Variants in HMG20A observed in about 807,000 individuals in gnomAD.
HMG20A encodes high mobility group 20A, also known as high mobility group protein 20A.
In HMG20A, 17 loss-of-function variants were observed where a neutral mutation model predicts 43.9. The observed-to-expected ratio is 0.39, with a 90% CI of 0.27 to 0.58. The LOEUF (loss-of-function observed/expected upper bound fraction) is 0.58, where lower values mean the gene tolerates loss of function less well. Ranked by LOEUF, HMG20A falls within the 20% of genes least tolerant of loss-of-function variation. The probability of loss-of-function intolerance (pLI) is 0.59; values close to 1 mark genes in which losing one functional copy is unlikely to be tolerated. For missense variants in HMG20A, 341 were observed against 438.2 expected (o/e 0.78, Z 1.98); for synonymous variants, 132 against 147.5 (o/e 0.89, Z 0.76).
At chr15:77,425,091 A>G (rs1032032259) in intron 1 of HMG20A, among the ~76,000 whole-genome samples, 2 of 152,154 alleles carry the variant, frequency 1.3e-5, no homozygotes, top group Non-Finnish European at 2.9e-5. Flanking sequence ...TTTCTCAAGT[A>G]CCACATTTAA....
chr15:77,432,656 A>G (rs1157011166), intron 1 of HMG20A, among the ~76,000 whole-genome samples: 1 of 142,154 alleles, frequency 7.0e-6, no homozygotes, highest in Non-Finnish European at 1.5e-5. Flanking sequence ...CTGGAGGCGG[A>G]GGTTGCAGTA....
At chr15:77,478,257 C>G in intron 7 of HMG20A, 38 bp from the exon 8 acceptor site, 1 of 1,602,792 alleles carries the variant, frequency 6.2e-7, no homozygotes, top group Non-Finnish European at 8.5e-7. Flanking sequence ...GAGACTCCTT[C>G]TAGTGCTGCA....
At chr15:77,494,758 G>A in the HMG20A span, among the ~76,000 whole-genome samples, 1 of 152,122 alleles carries the variant, frequency 6.6e-6, no homozygotes, top group Non-Finnish European at 1.5e-5. Flanking sequence ...AACAAAACAT[G>A]CTAACAACAT....
chr15:77,517,657 T>C, the HMG20A span, among the ~76,000 whole-genome samples: 4 of 152,004 alleles, frequency 2.6e-5, no homozygotes, highest in Admixed American at 2.6e-4. Context: ...TCTGTACCTT[T>C]AGCCAGGAAC....
chr15:77,480,481 C>T (rs1325996964), intron 9 of HMG20A, among the ~76,000 whole-genome samples: 5 of 151,370 alleles, frequency 3.3e-5, no homozygotes, highest in East Asian at 3.9e-4. Flanking sequence ...AGCATGATGG[C>T]GCACACCTAT....
the HMG20A span, among the ~76,000 whole-genome samples, chr15:77,517,701 G>A: frequency 6.6e-6 from 1 of 151,860 alleles, no homozygotes; most frequent in African/African-American, 2.4e-5. Context: ...GCAGCTCTGT[G>A]GGCGACGGCA....
At chr15:77,466,008 A>C (rs1235647704) in intron 3 of HMG20A, among the ~76,000 whole-genome samples, 1 of 152,178 alleles carries the variant, frequency 6.6e-6, no homozygotes, top group Non-Finnish European at 1.5e-5. Context: ...AGTCCTTTTC[A>C]TTTCTTTAGT....
At chr15:77,468,593 T>A (rs1025260462) in intron 4 of HMG20A, among the ~76,000 whole-genome samples, 1 of 129,754 alleles carries the variant, frequency 7.7e-6, no homozygotes, top group African/African-American at 2.8e-5. Flanking sequence ...TCTCTCTCTC[T>A]CTGTCACACA....
At chr15:77,425,918 C>T (rs1368349216) in intron 1 of HMG20A, among the ~76,000 whole-genome samples, 1 of 152,108 alleles carries the variant, frequency 6.6e-6, no homozygotes. Flanking sequence ...TATAGCCATA[C>T]AATGGAATAT....
chr15:77,428,657 C>G (rs971587574), intron 1 of HMG20A, among the ~76,000 whole-genome samples: 2 of 152,020 alleles, frequency 1.3e-5, no homozygotes, highest in Non-Finnish European at 2.9e-5. Context: ...ATTCAAGGCT[C>G]GAGATTACAC....
the HMG20A span, among the ~76,000 whole-genome samples, chr15:77,506,076 A>G: frequency 4.9e-5 from 7 of 142,790 alleles, no homozygotes; most frequent in Non-Finnish European, 1.0e-4. Context: ...GAGTTAGCAA[A>G]AAAAAAAAAA....
the HMG20A span, among the ~76,000 whole-genome samples, chr15:77,501,057 A>T: frequency 6.6e-6 from 1 of 152,050 alleles, no homozygotes; most frequent in Non-Finnish European, 1.5e-5. Context: ...CTTGTTACGT[A>T]TGCCTATTCT....
chr15:77,429,450 C>G (rs997247472), intron 1 of HMG20A, among the ~76,000 whole-genome samples: 15 of 152,114 alleles, frequency 9.9e-5, no homozygotes, highest in Admixed American at 8.5e-4. Context: ...TCCTATACTT[C>G]ATAGCTTTAA....
At chr15:77,423,821 G>A (rs2073396144) in intron 1 of HMG20A, among the ~76,000 whole-genome samples, 1 of 152,028 alleles carries the variant, frequency 6.6e-6, no homozygotes, top group Admixed American at 6.6e-5. Context: ...TGTTGTTTTT[G>A]CCGTAGGGTT....
chr15:77,453,136 C>T (rs2072619537), intron 1 of HMG20A, among the ~76,000 whole-genome samples: 2 of 152,154 alleles, frequency 1.3e-5, no homozygotes, highest in African/African-American at 2.4e-5. Context: ...GAGGCTGAAG[C>T]ACAAGAATCG....
At chr15:77,456,223 C>T (rs1488618536) in intron 1 of HMG20A, among the ~76,000 whole-genome samples, 1 of 152,116 alleles carries the variant, frequency 6.6e-6, no homozygotes, top group Non-Finnish European at 1.5e-5. Context: ...ATCTGGAAAA[C>T]ACTCTAACAG....
chr15:77,516,891 C>T, the HMG20A span, among the ~76,000 whole-genome samples: 3 of 152,220 alleles, frequency 2.0e-5, no homozygotes, highest in Non-Finnish European at 4.4e-5. Flanking sequence ...GGCCAGGTGC[C>T]AGGCAGGGGC....
intron 1 of HMG20A, among the ~76,000 whole-genome samples, chr15:77,421,558 G>T (rs1214975372): frequency 6.6e-6 from 1 of 152,246 alleles, no homozygotes; most frequent in Non-Finnish European, 1.5e-5. Context: ...GCTGGGTGAA[G>T]TGTGGTGCCC....
intron 4 of HMG20A, 114 bp from the exon 5 acceptor site, chr15:77,470,796 C>A: frequency 1.2e-6 from 1 of 855,554 alleles, no homozygotes; most frequent in South Asian, 2.5e-5. Context: ...AGGCATATTC[C>A]CTATATTCTT....
Sources: gnomAD v4.1 joint callset for allele counts (sites outside exome capture counted in the v4.1 genomes callset) on GRCh38, gnomAD v4.1.1 for gene constraint, MANE v1.5 for transcripts, NCBI Gene and HGNC (gene_info 2026-07-23, HGNC 2026-07-21) for gene names.